The following PLXDC2 variants were observed in gnomAD, a reference collection of about 807,000 sequenced individuals.
PLXDC2 encodes the protein plexin domain-containing protein 2.
Under a neutral mutation model 68.9 loss-of-function variants are expected in PLXDC2, and 40 were observed. The observed-to-expected ratio is 0.58, with a 90% CI of 0.45 to 0.76. The LOEUF is 0.76. Among genes scored for constraint, PLXDC2 ranks in the 30% least tolerant of loss-of-function variants. The probability of loss-of-function intolerance (pLI) is 0.00; values close to 1 mark genes in which losing one functional copy is unlikely to be tolerated. For synonymous variants in PLXDC2, 243 were observed against 234.2 expected, an observed-to-expected ratio of 1.04 and a Z score of -0.34; for missense variants, 644 against 661.9, an observed-to-expected ratio of 0.97 and a Z score of 0.30.
intron 1 of PLXDC2, among the ~76,000 whole-genome samples, chr10:19,843,361 T>C (rs1564606489): frequency 6.6e-6 from 1 of 152,198 alleles, no homozygotes; most frequent in Non-Finnish European, 1.5e-5. Context: ...TGTTCTTTAT[T>C]TGTAAAGTTT....
At chr10:19,902,843 G>T (rs1369405456) in intron 1 of PLXDC2, among the ~76,000 whole-genome samples, 1 of 152,074 alleles carries the variant, frequency 6.6e-6, no homozygotes, top group Non-Finnish European at 1.5e-5. Flanking sequence ...ATTCCCTTAA[G>T]GTATGTCCCT....
intron 13 of PLXDC2, among the ~76,000 whole-genome samples, chr10:20,262,001 A>G (rs1227897979): frequency 2.6e-5 from 4 of 152,210 alleles, no homozygotes; most frequent in Non-Finnish European, 5.9e-5. Flanking sequence ...GGAAAGGAAC[A>G]GAAGGGATGA....
chr10:19,960,806 A>G (rs978539274), intron 1 of PLXDC2, among the ~76,000 whole-genome samples: 6 of 152,244 alleles, frequency 3.9e-5, no homozygotes, highest in African/African-American at 1.4e-4. Flanking sequence ...GACCTTGAGC[A>G]ATATTGCTAT....
At chr10:20,068,930 G>C (rs80182782) in intron 4 of PLXDC2, among the ~76,000 whole-genome samples, 2,751 of 152,230 alleles carry the variant, frequency 0.018, 91 homozygotes, top group African/African-American at 0.063. Context: ...AAGCGATAAG[G>C]AAAATGCCAG....
At chr10:20,275,746 C>T (rs1019775703) in intron 13 of PLXDC2, among the ~76,000 whole-genome samples, 2 of 152,120 alleles carry the variant, frequency 1.3e-5, no homozygotes, top group East Asian at 3.9e-4. Flanking sequence ...AACCCTGTTT[C>T]CACTAAAAAT....
chr10:20,238,492 C>A (rs1434856516), intron 12 of PLXDC2, among the ~76,000 whole-genome samples: 1 of 149,828 alleles, frequency 6.7e-6, no homozygotes, highest in African/African-American at 2.4e-5. Context: ...ACTAAAAACA[C>A]AAAAATTAGC....
chr10:20,068,786 A>G (rs1836264533), intron 4 of PLXDC2, among the ~76,000 whole-genome samples: 1 of 151,898 alleles, frequency 6.6e-6, no homozygotes, highest in South Asian at 2.1e-4. Flanking sequence ...ATCCAGCTCA[A>G]ATTTTTAAAA....
chr10:20,013,898 A>G (rs1835158761), intron 2 of PLXDC2, among the ~76,000 whole-genome samples: 1 of 152,188 alleles, frequency 6.6e-6, no homozygotes, highest in Admixed American at 6.5e-5. Context: ...GAAGAGTGTC[A>G]CATTCAAATG....
At chr10:20,256,847 T>G (rs1305992118) in intron 13 of PLXDC2, among the ~76,000 whole-genome samples, 1 of 152,216 alleles carries the variant, frequency 6.6e-6, no homozygotes, top group Non-Finnish European at 1.5e-5. Flanking sequence ...AAATGTTTAA[T>G]TTATTTGTAA....
intron 2 of PLXDC2, among the ~76,000 whole-genome samples, chr10:20,014,355 T>TTTCCTTCC (rs1176511314): frequency 6.6e-5 from 7 of 105,470 alleles, no homozygotes; most frequent in African/African-American, 1.1e-4. Context: ...CCTCCTTCCC[T>TTTCCTTCC]TTCCTTCCTT....
At chr10:20,225,788 C>A (rs77703196) in intron 12 of PLXDC2, among the ~76,000 whole-genome samples, 7,790 of 151,436 alleles carry the variant, frequency 0.051, 294 homozygotes, top group East Asian at 0.16. Flanking sequence ...AAATATTAGC[C>A]TCTAGGGCTG....
At chr10:19,935,218 A>C (rs1044195245) in intron 1 of PLXDC2, among the ~76,000 whole-genome samples, 7 of 152,182 alleles carry the variant, frequency 4.6e-5, no homozygotes, top group Admixed American at 4.6e-4. Context: ...TGATAAGACC[A>C]GTAGTCTCCT....
In PLXDC2 at chr10:20,182,071, T is replaced by TTGTGTGTGTGTGTGTGTG. The variant is rs111252782; in HGVS notation, c.1061+4675_1061+4692dup. On this transcript the variant is annotated intron_variant, in intron 9 of 13. Coordinates refer to ENST00000377252, the MANE Select transcript of PLXDC2 (RefSeq NM_032812.9). ...GGTGTTTGGGAAGGAAACCGGTTAT[T>TTGTGTGTGTGTGTGTGTG]TGTGTGTGTGTGTGTGTGTGTGTGT... Among the ~76,000 whole-genome samples the TTGTGTGTGTGTGTGTGTG allele has an allele frequency of 1.2e-3, 174 of 146,560 alleles. 1 individual carries two copies. The highest frequency in any genetic ancestry group is 8.8e-3 in the East Asian group (43 of 4,878).
intron 1 of PLXDC2, among the ~76,000 whole-genome samples, chr10:19,872,647 G>A (rs1589512072): frequency 6.6e-6 from 1 of 152,132 alleles, no homozygotes; most frequent in African/African-American, 2.4e-5. Context: ...AGGGAGAGGG[G>A]TGTTAGCTGT....
chr10:20,177,190 A>C, intron 8 of PLXDC2, 96 bp downstream of exon 8: 1 of 1,353,182 alleles, frequency 7.4e-7, no homozygotes, highest in Non-Finnish European at 1.1e-6. Flanking sequence ...AATAATTACC[A>C]TTATAATTGT....
intron 1 of PLXDC2, among the ~76,000 whole-genome samples, chr10:19,973,448 C>T (rs1458631061): frequency 7.0e-6 from 1 of 143,610 alleles, no homozygotes; most frequent in East Asian, 2.0e-4. Flanking sequence ...TCATTATTGT[C>T]AAGGAATTTG....
intron 1 of PLXDC2, among the ~76,000 whole-genome samples, chr10:19,827,019 A>G (rs1190524475): frequency 3.3e-5 from 5 of 152,286 alleles, no homozygotes; most frequent in East Asian, 1.9e-4. Context: ...TCAGTTTTCC[A>G]TCCATGGATA....
At chr10:19,818,773 T>C (rs1263335039) in intron 1 of PLXDC2, among the ~76,000 whole-genome samples, 2 of 152,148 alleles carry the variant, frequency 1.3e-5, no homozygotes, top group African/African-American at 2.4e-5. Flanking sequence ...GACACAGTTA[T>C]TTAAAAATTG....
intron 1 of PLXDC2, among the ~76,000 whole-genome samples, chr10:19,861,963 C>G (rs1287810672): frequency 6.6e-6 from 1 of 152,080 alleles, no homozygotes; most frequent in Non-Finnish European, 1.5e-5. Context: ...TTTCAACCAC[C>G]TAGGGAAAAG....
Sources: gnomAD v4.1 joint callset for allele counts (sites outside exome capture counted in the v4.1 genomes callset) on GRCh38, gnomAD v4.1.1 for gene constraint, MANE v1.5 for transcripts, NCBI Gene and HGNC (gene_info 2026-07-23, HGNC 2026-07-21) for gene names.